PTPRA: variants seen among roughly 807,000 people sequenced by gnomAD.
PTPRA encodes protein tyrosine phosphatase receptor type A.
A neutral mutation model predicts 104.8 loss-of-function variants in PTPRA; 25 were observed. That is an observed-to-expected ratio of 0.24 (90% CI 0.17 to 0.33). The LOEUF (loss-of-function observed/expected upper bound fraction) is 0.33, where lower values mean the gene tolerates loss of function less well. Among genes scored for constraint, PTPRA ranks in the 10% least tolerant of loss-of-function variants. PTPRA has a pLI of 1.00. For synonymous variants in PTPRA, 323 were observed against 368.9 expected, an observed-to-expected ratio of 0.88 and a Z score of 1.43; for missense variants, 765 against 1,015.3, an observed-to-expected ratio of 0.75 and a Z score of 3.35.
rs1464262896 is a variant in PTPRA at position 3,035,757 on chromosome 20, A to T, written c.2047-33A>T. 9.3e-6 allele frequency: 15 copies of T among 1,614,138 alleles called. No homozygotes were observed. The highest frequency in any genetic ancestry group is 1.1e-5 in the Non-Finnish European group (13 of 1,180,022). On this transcript the variant is annotated intron_variant, in intron 21 of 23. Coordinates refer to ENST00000399903, the MANE Select transcript of PTPRA (RefSeq NM_001385305.1). The surrounding 1 kb of genome is among the most constrained non-coding windows in gnomAD (Gnocchi z 5.8). ...CTCTGCCCACAGGAAAAGCAGGGTT[A>T]CCCCTGCCTCCCTGATCCCCTTTTT...
At chr20:2,952,330 C>G (rs559223968) in intron 3 of PTPRA, among the ~76,000 whole-genome samples, 1 of 152,242 alleles carries the variant, frequency 6.6e-6, no homozygotes, top group African/African-American at 2.4e-5. Context: ...TTTGCAGCAT[C>G]TTTCATGTGC....
intron 1 of PTPRA, among the ~76,000 whole-genome samples, chr20:2,904,436 C>T (rs539061310): frequency 6.6e-6 from 1 of 151,900 alleles, no homozygotes; most frequent in Admixed American, 6.6e-5. Context: ...TTTGGGAGGC[C>T]GAGGTGGGCG....
chr20:2,995,536 A>C (rs937371552), intron 9 of PTPRA, among the ~76,000 whole-genome samples: 1 of 152,230 alleles, frequency 6.6e-6, no homozygotes, highest in East Asian at 1.9e-4. Context: ...CATGACAGCA[A>C]GATGCAGTAG....
chr20:2,901,720 C>A (rs1485106611), intron 1 of PTPRA, among the ~76,000 whole-genome samples: 1 of 152,022 alleles, frequency 6.6e-6, no homozygotes, highest in African/African-American at 2.4e-5. Flanking sequence ...TTACAATATA[C>A]AATACCTAAA....
At position 3,030,960 on chromosome 20, in the gene PTPRA, A is replaced by G. The variant is rs796808401; in HGVS notation, c.1920+3119A>G. Among the ~76,000 whole-genome samples the G allele has an allele frequency of 3.3e-5, 5 of 152,214 alleles. 1 individual carries two copies. The highest frequency in any genetic ancestry group is 3.4e-3 in the Middle Eastern group (1 of 294). On this transcript the variant is annotated intron_variant, in intron 20 of 23. Coordinates refer to ENST00000399903, the MANE Select transcript of PTPRA (RefSeq NM_001385305.1). ...CTCCCAGAGTGCTAAGATTACAGGCATGAGCCATTGCGCCTGGCCTCCTTC... is the reference window on the plus strand; with the variant it reads ...CTCCCAGAGTGCTAAGATTACAGGCGTGAGCCATTGCGCCTGGCCTCCTTC...
chr20:3,029,540 C>CTTTCTTTTTTTTTTTT (rs2065322061), intron 20 of PTPRA, among the ~76,000 whole-genome samples: 1 of 78,084 alleles, frequency 1.3e-5, no homozygotes, highest in Non-Finnish European at 2.3e-5. Flanking sequence ...TCTTCATCAT[C>CTTTCTTTTTTTTTTTT]TTTTTTTTTT....
chr20:2,882,566 T>A (rs2090121234), intron 1 of PTPRA, among the ~76,000 whole-genome samples: 1 of 152,144 alleles, frequency 6.6e-6, no homozygotes, highest in African/African-American at 2.4e-5. Context: ...AGTGCTGGGA[T>A]TACAGGCATG....
intron 9 of PTPRA, among the ~76,000 whole-genome samples, chr20:2,994,008 A>G (rs1041077051): frequency 6.6e-6 from 1 of 152,266 alleles, no homozygotes; most frequent in East Asian, 1.9e-4. Flanking sequence ...TCAGGCCAAA[A>G]TTCCTTCCAT....
intron 1 of PTPRA, among the ~76,000 whole-genome samples, chr20:2,880,124 T>TTG (rs1486730981): frequency 6.6e-6 from 1 of 152,144 alleles, no homozygotes; most frequent in African/African-American, 2.4e-5. Flanking sequence ...AGCTAAATCT[T>TTG]TGAAGGATTT....
At chr20:2,864,208 G>A in the PTPRA span, 7 of 1,614,104 alleles carry the variant, frequency 4.3e-6, no homozygotes, top group Non-Finnish European at 5.9e-6. This position sits in a 1 kb window ranked among gnomAD's most constrained non-coding sequence, Gnocchi z 5.2. Flanking sequence ...GCTCAGGGGA[G>A]CAGGTACCCC....
rs1445734146 is a variant in PTPRA at position 2,910,151 on chromosome 20, CTATACGTCATATATAA to C, written c.-128-13052_-128-13037del. Among the ~76,000 whole-genome samples, 295 of 91,220 alleles carry C rather than the reference CTATACGTCATATATAA, an allele frequency of 3.2e-3. 1 individual carries two copies. The South Asian group carries it at 0.046, about 14-fold the overall frequency. The allele number at this position is 91,220 out of a possible 152,430, so 59.8% of individuals were successfully genotyped here. A position where few individuals can be genotyped will look rare whatever the true frequency, so the allele number is the denominator to read the frequency against. ...TATATGATATATAACATCATATATACTATACGTCATATATAATATGACGTATAGTATATATGATATA... is the reference window on the plus strand; with the variant it reads ...TATATGATATATAACATCATATATACTATGACGTATAGTATATATGATATA... On this transcript the variant is annotated intron_variant, in intron 1 of 23. Transcript: ENST00000399903.
intron 5 of PTPRA, among the ~76,000 whole-genome samples, chr20:2,971,182 ATTAAC>A (rs1376039558): frequency 1.3e-5 from 2 of 152,224 alleles, no homozygotes; most frequent in African/African-American, 4.8e-5. Flanking sequence ...AAACATTAGA[ATTAAC>A]TTGTCTAGCA....
intron 17 of PTPRA, among the ~76,000 whole-genome samples, chr20:3,025,411 C>G (rs1285511887): frequency 6.7e-6 from 1 of 148,442 alleles, no homozygotes; most frequent in African/African-American, 2.5e-5. Flanking sequence ...CGAAATCATG[C>G]CACTGCACTC....
At chr20:2,919,739 T>G (rs1271703296) in intron 1 of PTPRA, among the ~76,000 whole-genome samples, 1 of 151,980 alleles carries the variant, frequency 6.6e-6, no homozygotes, top group African/African-American at 2.4e-5. Context: ...TGATTGACTC[T>G]AGGGCTAAGG....
chr20:2,868,739 G>GA (rs1370162986), upstream of PTPRA, among the ~76,000 whole-genome samples: 1 of 135,408 alleles, frequency 7.4e-6, no homozygotes, highest in Admixed American at 8.6e-5. Flanking sequence ...AGTTCTCAAT[G>GA]AAAAAGGATT....
chr20:2,933,828 A>G (rs939433212), intron 2 of PTPRA, among the ~76,000 whole-genome samples: 4 of 151,972 alleles, frequency 2.6e-5, no homozygotes, highest in African/African-American at 9.7e-5. Flanking sequence ...TCAGTTTATG[A>G]TGTTTTGTTG....
intron 1 of PTPRA, among the ~76,000 whole-genome samples, chr20:2,914,080 T>G (rs1269375632): frequency 1.3e-5 from 2 of 152,238 alleles, no homozygotes; most frequent in Non-Finnish European, 2.9e-5. Context: ...ATTAGTGTAC[T>G]TTGGTACTTT....
intron 1 of PTPRA, among the ~76,000 whole-genome samples, chr20:2,911,834 A>T (rs1215347645): frequency 6.6e-6 from 1 of 152,154 alleles, no homozygotes; most frequent in South Asian, 2.1e-4. Flanking sequence ...TAGAGAAGAC[A>T]TGGATATCAA....
At chr20:2,867,444 CGCGGG>C in the PTPRA span, among the ~76,000 whole-genome samples, 1 of 152,154 alleles carries the variant, frequency 6.6e-6, no homozygotes, top group Non-Finnish European at 1.5e-5. Context: ...TAGGAGTACC[CGCGGG>C]GCCCTCTGCT....
Sources: allele counts gnomAD v4.1 joint callset (sites outside exome capture counted in the v4.1 genomes callset), GRCh38; gene constraint gnomAD v4.1.1; non-coding constraint Gnocchi (gnomAD v3.1); transcripts MANE v1.5; gene names NCBI Gene and HGNC (gene_info 2026-07-23, HGNC 2026-07-21).